SETBP1: variants seen among roughly 807,000 people sequenced by gnomAD.
SETBP1 encodes the protein SET-binding protein.
A neutral mutation model predicts 101.0 loss-of-function variants in SETBP1; 9 were observed. That is an observed-to-expected ratio of 0.09 (90% CI 0.05 to 0.16). SETBP1 has a LOEUF of 0.16. Among genes scored for constraint, SETBP1 ranks in the 10% least tolerant of loss-of-function variants. SETBP1 has a pLI of 1.00. For synonymous variants in SETBP1, 818 were observed against 788.5 expected (o/e 1.04, Z -0.63); for missense variants, 1,858 against 2,033.8 (o/e 0.91, Z 1.66).
chr18:44,859,349 T>A (rs1454400460), intron 2 of SETBP1, among the ~76,000 whole-genome samples: 8 of 152,070 alleles, frequency 5.3e-5, no homozygotes, highest in Admixed American at 4.6e-4. Context: ...ACCTGAGGCA[T>A]GGCTGGCAGT....
intron 3 of SETBP1, among the ~76,000 whole-genome samples, chr18:44,937,984 C>A (rs1328821206): frequency 1.3e-5 from 2 of 152,212 alleles, no homozygotes; most frequent in Non-Finnish European, 2.9e-5. Context: ...CGACACATTC[C>A]TCTCAGCTCC....
chr18:44,753,058 A>G (rs2070420264), intron 2 of SETBP1, among the ~76,000 whole-genome samples: 1 of 152,198 alleles, frequency 6.6e-6, no homozygotes, highest in African/African-American at 2.4e-5. Flanking sequence ...TGGGACAATT[A>G]TGGTTTTTTT....
intron 3 of SETBP1, among the ~76,000 whole-genome samples, chr18:44,878,950 T>G (rs988694235): frequency 6.6e-6 from 1 of 152,136 alleles, no homozygotes; most frequent in African/African-American, 2.4e-5. Flanking sequence ...CTCTACTGCA[T>G]TTTTTGGATA....
intron 2 of SETBP1, among the ~76,000 whole-genome samples, chr18:44,835,840 G>A (rs1227347975): frequency 6.6e-6 from 1 of 152,248 alleles, no homozygotes; most frequent in East Asian, 1.9e-4. Context: ...CTTCCTAGAA[G>A]CATTTGCATT....
In SETBP1 at chr18:44,826,313, G is replaced by A. The variant is rs551214638; in HGVS notation, c.487-42917G>A. Among the ~76,000 whole-genome samples the A allele has an allele frequency of 9.2e-5, 14 of 152,204 alleles. No individual in the cohort carries two copies. In the South Asian group the frequency reaches 2.3e-3, roughly 25 times the overall value. ...GCCTCTCCTGCCTCTCTCCACCTCC[G>A]TCAGTCCCTGGCCCTCGCACAAAAG... On this transcript the variant is annotated intron_variant, in intron 2 of 5. Coordinates refer to ENST00000649279, the MANE Select transcript of SETBP1 (RefSeq NM_015559.3).
At chr18:44,692,015 A>G (rs2068943054) in intron 1 of SETBP1, among the ~76,000 whole-genome samples, 1 of 152,234 alleles carries the variant, frequency 6.6e-6, no homozygotes, top group African/African-American at 2.4e-5. Flanking sequence ...AAACAAGAGA[A>G]GAGCAATAAT....
intron 2 of SETBP1, among the ~76,000 whole-genome samples, chr18:44,836,541 G>T (rs1406337471): frequency 6.6e-6 from 1 of 152,194 alleles, no homozygotes; most frequent in Non-Finnish European, 1.5e-5. Flanking sequence ...AGGATTCTGA[G>T]TTCTGACTCT....
At chr18:44,984,672 G>T (rs1022729807) in intron 4 of SETBP1, among the ~76,000 whole-genome samples, 13 of 152,150 alleles carry the variant, frequency 8.5e-5, no homozygotes, top group Non-Finnish European at 1.9e-4. Flanking sequence ...GATTAAATGA[G>T]GTCACACCTC....
chr18:44,792,967 G>A (rs1373990307), intron 2 of SETBP1, among the ~76,000 whole-genome samples: 1 of 152,214 alleles, frequency 6.6e-6, no homozygotes, highest in Non-Finnish European at 1.5e-5. Context: ...CTTTGAGAAT[G>A]CAAGAGCCTT....
rs1032793487 is a variant in SETBP1 at position 44,801,768 on chromosome 18, C to CT, written c.487-67447dup. Among the ~76,000 whole-genome samples, 815 of 137,268 alleles carry CT rather than the reference C, an allele frequency of 5.9e-3. 7 individuals are homozygous for CT. The highest frequency in any genetic ancestry group is 0.015 in the African/African-American group (578 of 37,456). 90.1% of individuals were successfully genotyped at this position (137,268 alleles called of 152,430 possible). On this transcript the variant is annotated intron_variant, in intron 2 of 5. Coordinates refer to ENST00000649279, the MANE Select transcript of SETBP1 (RefSeq NM_015559.3). Reference sequence around the variant, plus strand: ...GCGAAAGGGAGTAATTTAACAAAGACTTTTTTTTTTTTTTTGTAATTTCTT... The same window carrying CT: ...GCGAAAGGGAGTAATTTAACAAAGACTTTTTTTTTTTTTTTTGTAATTTCTT...
At chr18:44,922,851 A>T (rs2070613263) in intron 3 of SETBP1, among the ~76,000 whole-genome samples, 1 of 152,192 alleles carries the variant, frequency 6.6e-6, no homozygotes, top group Admixed American at 6.5e-5. Context: ...TGTCAGTTGT[A>T]GAATGCTGGA....
chr18:44,939,683 A>G lies in SETBP1; in HGVS notation c.541-10198A>G, dbSNP rs185589667. 1.0e-3 allele frequency among the ~76,000 whole-genome samples: 154 copies of G among 152,316 alleles called. 1 individual carries two copies. The Middle Eastern group carries it at 0.014, about 13-fold the overall frequency. The stretch of plus-strand genomic sequence containing the variant: ...TATGCTCCCTCCAACAACGTATGAT[A>G]GTGTCAGTTGCTCCAGATCCTTGTC... On this transcript the variant is annotated intron_variant, in intron 3 of 5. Transcript: ENST00000649279.
At chr18:44,749,730 G>T (rs2070340133) in intron 2 of SETBP1, among the ~76,000 whole-genome samples, 1 of 152,162 alleles carries the variant, frequency 6.6e-6, no homozygotes, top group South Asian at 2.1e-4. Context: ...CAGTTTCAAA[G>T]AAGTTAGAAG....
intron 3 of SETBP1, among the ~76,000 whole-genome samples, chr18:44,904,756 G>A (rs1309656331): frequency 2.0e-5 from 3 of 152,136 alleles, no homozygotes; most frequent in African/African-American, 7.2e-5. Context: ...AGGGACCCAG[G>A]CTCCTTCTAC....
chr18:44,961,702 T>C (rs146449028), intron 4 of SETBP1, among the ~76,000 whole-genome samples: 212 of 152,322 alleles, frequency 1.4e-3, no homozygotes, highest in Middle Eastern at 3.4e-3. Flanking sequence ...AAGGTTATAG[T>C]ATTTGAAAAG....
intron 2 of SETBP1, among the ~76,000 whole-genome samples, chr18:44,773,922 G>A (rs1025071566): frequency 2.7e-5 from 4 of 147,920 alleles, no homozygotes; most frequent in African/African-American, 7.4e-5. Flanking sequence ...GGCATGGTGA[G>A]GTAAAAGGCA....
At chr18:45,024,965 A>G (rs2073136375) in intron 4 of SETBP1, among the ~76,000 whole-genome samples, 1 of 152,264 alleles carries the variant, frequency 6.6e-6, no homozygotes, top group South Asian at 2.1e-4. Flanking sequence ...ATGTGAAATG[A>G]GCCCAATGTG....
At position 44,949,955 on chromosome 18, in the gene SETBP1, C is replaced by A. The variant is rs138039719; in HGVS notation, c.615C>A (p.Thr205=). ...TGLPQDFTGD[T]LKPKHQQKSS... ...TCCCACAGGACTTCACCGGTGACAC[C>A]TTAAAACCAAAGCACCAGCAAAAAA... Residue 205 remains threonine, a synonymous_variant, in exon 4 of 6, where the codon ACC becomes ACA. Transcript: ENST00000649279. 1.1e-5 allele frequency: 17 copies of A among 1,614,006 alleles called. No individual in the cohort carries two copies. In the Admixed American group the frequency reaches 2.2e-4, roughly 21 times the overall value.
chr18:44,793,991 G>A (rs1007638119), intron 2 of SETBP1, among the ~76,000 whole-genome samples: 8 of 152,178 alleles, frequency 5.3e-5, no homozygotes, highest in East Asian at 1.9e-4. Flanking sequence ...CATTAACAAG[G>A]GGTTAGTCAG....
Sources: gnomAD v4.1 joint callset for allele counts (sites outside exome capture counted in the v4.1 genomes callset) on GRCh38, gnomAD v4.1.1 for gene constraint, MANE v1.5 for transcripts, NCBI Gene and HGNC (gene_info 2026-07-23, HGNC 2026-07-21) for gene names.